RIPOR3: variants seen among roughly 807,000 people sequenced by gnomAD.
RIPOR3 encodes family with sequence similarity 65 member C.
Under a neutral mutation model 114.3 loss-of-function variants are expected in RIPOR3, and 95 were observed. That is an observed-to-expected ratio of 0.83 (90% CI 0.70 to 0.99). RIPOR3 has a LOEUF of 0.99. Ranked by LOEUF, RIPOR3 falls within the 50% of genes least tolerant of loss-of-function variation. RIPOR3 has a pLI of 0.00. For missense variants in RIPOR3, 1,252 were observed against 1,266.9 expected (o/e 0.99, Z 0.18); for synonymous variants, 575 against 543.8 (o/e 1.06, Z -0.80).
chr20:50,683,703 T>C (rs6012998), intron 1 of RIPOR3, among the ~76,000 whole-genome samples: 122,837 of 151,606 alleles, frequency 0.81, 50,754 homozygotes, highest in East Asian at 0.96. Context: ...GTGATCCACC[T>C]GCCTCGGCCT....
chr20:50,593,572 CA>C (rs1220033093), intron 17 of RIPOR3, among the ~76,000 whole-genome samples: 77 of 141,760 alleles, frequency 5.4e-4, no homozygotes, highest in Admixed American at 4.2e-4. Flanking sequence ...AACCCCATCT[CA>C]AAAAAAAAAA....
chr20:50,589,688 TGA>T lies in RIPOR3; in HGVS notation c.2657_2658del (p.Leu886GlnfsTer4), dbSNP rs745880935. On this transcript the variant is annotated frameshift_variant, in exon 20 of 22. Transcript: ENST00000327979. LOFTEE classifies it high-confidence loss of function. ...TAATGGGGAAACGTCAGGCTCACCTTGAGGTGTTTGAGCGCTAGGCATGCGGC... is the reference window on the plus strand; with the variant it reads ...TAATGGGGAAACGTCAGGCTCACCTTGGTGTTTGAGCGCTAGGCATGCGGC... ...QQAACLALKH[L>X]KGIESIDQTA... is the part of the protein sequence containing the mutation. 4 of 1,613,388 alleles carry T rather than the reference TGA, an allele frequency of 2.5e-6. No homozygotes were observed. The African/African-American group carries it at 5.3e-5, about 22-fold the overall frequency.
In RIPOR3 at chr20:50,602,136, T is replaced by C. The variant is rs1423916577; in HGVS notation, c.1595A>G (p.Asp532Gly). Residue 532 changes from aspartate to glycine, a missense_variant, in exon 13 of 22, where the codon GAC (aspartate) becomes GGC (glycine). Coordinates refer to ENST00000327979, the MANE Select transcript of RIPOR3 (RefSeq NM_001290268.2). This position sits in a 1 kb window ranked among gnomAD's most constrained non-coding sequence, Gnocchi z 4.3. ...QEVLELLRPT[D>G]STQPQLRELE... ...CTCCCGGAGCTGGGGCTGGGTGGAGTCCGTGGGCCTCAGCAACTCCAGGAC... is the reference window on the plus strand; with the variant it reads ...CTCCCGGAGCTGGGGCTGGGTGGAGCCCGTGGGCCTCAGCAACTCCAGGAC... 6 of 1,609,802 alleles carry C rather than the reference T, an allele frequency of 3.7e-6. No homozygotes were observed. Among genetic ancestry groups the C allele is most frequent in the Non-Finnish European group, 4.2e-6 (5 of 1,178,312 alleles).
At chr20:50,610,818 C>T in intron 6 of RIPOR3, 35 bp downstream of exon 6, 8 of 1,613,930 alleles carry the variant, frequency 5.0e-6, no homozygotes, top group Non-Finnish European at 6.8e-6. Flanking sequence ...TGGCACTGCC[C>T]CACCCCACCC....
At chr20:50,644,670 T>C (rs1209564150) in intron 1 of RIPOR3, among the ~76,000 whole-genome samples, 1 of 142,284 alleles carries the variant, frequency 7.0e-6, no homozygotes, top group Non-Finnish European at 1.5e-5. Flanking sequence ...TGTTTTTTTT[T>C]GTTTGCTTTT....
At chr20:50,631,500 T>C (rs1445089674) in intron 1 of RIPOR3, among the ~76,000 whole-genome samples, 1 of 152,166 alleles carries the variant, frequency 6.6e-6, no homozygotes, top group Admixed American at 6.5e-5. Flanking sequence ...AGAAGCTCAG[T>C]GGGCTAAAGA....
At position 50,602,347 on chromosome 20, in the gene RIPOR3, G is replaced by A. The variant is rs1413253379; in HGVS notation, c.1384C>T (p.Leu462Phe). Residue 462 changes from leucine to phenylalanine, a missense_variant, in exon 13 of 22, where the codon CTC (leucine) becomes TTC (phenylalanine). Leu to Phe is a conservative substitution (Grantham distance 22). Coordinates refer to ENST00000327979, the MANE Select transcript of RIPOR3 (RefSeq NM_001290268.2). The surrounding 1 kb of genome is among the most constrained non-coding windows in gnomAD (Gnocchi z 4.3). ...PPGLLPEMAH[L>F]SGGPFAEQPG... ...TGCTCTGCAAACGGGCCTCCAGAGAGGTGGGCCATCTCTGGCAGGAGACCT... is the reference window on the plus strand; with the variant it reads ...TGCTCTGCAAACGGGCCTCCAGAGAAGTGGGCCATCTCTGGCAGGAGACCT... The A allele has an allele frequency of 1.2e-6, 2 of 1,613,764 alleles. No individual in the cohort carries two copies. Among genetic ancestry groups the A allele is most frequent in the African/African-American group, 2.7e-5 (2 of 74,962 alleles).
intron 20 of RIPOR3, 44 bp downstream of exon 20, chr20:50,589,642 G>A (rs564927382): frequency 5.7e-6 from 9 of 1,590,968 alleles, no homozygotes; most frequent in Admixed American, 1.7e-5. Flanking sequence ...CTAACCACAA[G>A]CAGGCTTTTC....
chr20:50,593,163 C>CAGCTG lies in RIPOR3; in HGVS notation c.2241_2245dup (p.Cys749SerfsTer46). The CAGCTG allele has an allele frequency of 6.2e-7, 1 of 1,613,546 alleles. No individual in the cohort carries two copies. The highest frequency in any genetic ancestry group is 1.1e-5 in the South Asian group (1 of 91,084). ...CCCAGCTCCGGGGAGCAGCCCACCA[C>CAGCTG]AGCTGACCACCTGCTCCAGGAGCCT... On this transcript the variant is annotated frameshift_variant, in exon 18 of 22. Transcript: ENST00000327979. LOFTEE classifies it high-confidence loss of function.
intron 1 of RIPOR3, among the ~76,000 whole-genome samples, chr20:50,679,211 CA>C (rs1463399399): frequency 2.2e-5 from 3 of 133,600 alleles, no homozygotes; most frequent in Non-Finnish European, 4.7e-5. Context: ...ATATATACCT[CA>C]AAAAATATAT....
intron 16 of RIPOR3, chr20:50,595,134 G>A: frequency 1.7e-6 from 1 of 575,454 alleles, no homozygotes; most frequent in South Asian, 2.2e-5. Context: ...GCTCAGAGAT[G>A]TGAATCATTT....
At chr20:50,633,153 T>A (rs946084141) in intron 1 of RIPOR3, among the ~76,000 whole-genome samples, 11 of 151,956 alleles carry the variant, frequency 7.2e-5, no homozygotes, top group African/African-American at 2.7e-4. Context: ...TCCCAGCTAC[T>A]CGGGAGGCTG....
intron 21 of RIPOR3, among the ~76,000 whole-genome samples, 161 bp downstream of exon 21, chr20:50,587,641 C>T (rs1378004970): frequency 6.6e-6 from 1 of 152,236 alleles, no homozygotes; most frequent in Admixed American, 6.5e-5. Flanking sequence ...TGGCAGGATG[C>T]TACAAAGGGT....
In RIPOR3 at chr20:50,630,768, C is replaced by A; in HGVS notation, c.92G>T (p.Gly31Val). 6.2e-7 allele frequency: 1 copy of A among 1,612,258 alleles called. No individual in the cohort carries two copies. Among genetic ancestry groups the A allele is most frequent in the Admixed American group, 1.7e-5 (1 of 59,872 alleles). ...CCTCCGGCTCTGTGCACTGCTGAAG[C>A]CTGCGAAGGAGGCGCTCCGGCCCAC... ...GVVGRSASFA[G>V]FSSAQSRRIA... Residue 31 changes from glycine to valine, a missense_variant, in exon 2 of 22, where the codon GGC (glycine) becomes GTC (valine). Transcript: ENST00000327979.
intron 5 of RIPOR3, 83 bp from the exon 6 acceptor site, chr20:50,610,989 G>T: frequency 4.1e-6 from 4 of 965,572 alleles, no homozygotes; most frequent in Non-Finnish European, 4.4e-6. Flanking sequence ...CCTCCTACAG[G>T]TCCTAACTCA....
At chr20:50,636,438 G>T in intron 1 of RIPOR3, 2 of 479,952 alleles carry the variant, frequency 4.2e-6, no homozygotes, top group Non-Finnish European at 5.4e-6. Context: ...TCCCTGGGGA[G>T]GCATCAGGAA....
At chr20:50,637,573 G>T (rs2426186) in intron 1 of RIPOR3, among the ~76,000 whole-genome samples, 1 of 151,928 alleles carries the variant, frequency 6.6e-6, no homozygotes, top group African/African-American at 2.4e-5. Context: ...TTAAAAAAAA[G>T]TTTTTGGGGC....
At chr20:50,598,325 C>T (rs1383206223) in intron 13 of RIPOR3, among the ~76,000 whole-genome samples, 1 of 152,024 alleles carries the variant, frequency 6.6e-6, no homozygotes, top group African/African-American at 2.4e-5. Context: ...ACCAGAGCCT[C>T]CAGTGCCAGC....
At chr20:50,634,283 G>T (rs2084914612) in intron 1 of RIPOR3, among the ~76,000 whole-genome samples, 1 of 151,966 alleles carries the variant, frequency 6.6e-6, no homozygotes, top group South Asian at 2.1e-4. Flanking sequence ...CGCCTGACCA[G>T]GACACTCATT....
Sources: gnomAD v4.1 joint callset for allele counts (sites outside exome capture counted in the v4.1 genomes callset) on GRCh38, gnomAD v4.1.1 for gene constraint, Gnocchi (gnomAD v3.1) non-coding constraint, MANE v1.5 for transcripts, NCBI Gene and HGNC (gene_info 2026-07-23, HGNC 2026-07-21) for gene names.